UBE2E3: variants seen among roughly 807,000 people sequenced by gnomAD.
The protein encoded by UBE2E3 is ubiquitin-conjugating enzyme E2 E3.
UBE2E3 carries 5 observed loss-of-function variants against 23.6 expected under a neutral mutation model. The observed-to-expected ratio is 0.21, with a 90% CI of 0.11 to 0.44. The LOEUF (loss-of-function observed/expected upper bound fraction) is 0.44. Among genes scored for constraint, UBE2E3 ranks in the 20% least tolerant of loss-of-function variants. The pLI is 0.99. For synonymous variants in UBE2E3, 78 were observed against 87.5 expected (o/e 0.89, Z 0.60); for missense variants, 81 against 249.8 (o/e 0.32, Z 4.55).
upstream of UBE2E3, chr2:180,980,518 GGCGTC>G (rs1559108012): frequency 6.8e-6 from 1 of 148,128 alleles, no homozygotes; most frequent in Non-Finnish European, 1.5e-5. This position sits in a 1 kb window ranked among gnomAD's most constrained non-coding sequence, Gnocchi z 5.5. Context: ...GCGCCCGCCG[GGCGTC>G]GGCGGCGCGC....
chr2:181,058,245 C>A (rs1390849229), intron 4 of UBE2E3, among the ~76,000 whole-genome samples: 1 of 151,636 alleles, frequency 6.6e-6, no homozygotes, highest in Non-Finnish European at 1.5e-5. Context: ...TGCTGAATAC[C>A]TTTATAGATA....
chr2:181,040,808 C>G (rs911360266), intron 3 of UBE2E3, among the ~76,000 whole-genome samples: 33 of 152,114 alleles, frequency 2.2e-4, no homozygotes, highest in African/African-American at 7.7e-4. Context: ...AAATCATTCT[C>G]CTTGCTGTCA....
At chr2:181,036,280 A>C (rs1559130248) in intron 3 of UBE2E3, among the ~76,000 whole-genome samples, 1 of 152,214 alleles carries the variant, frequency 6.6e-6, no homozygotes, top group Non-Finnish European at 1.5e-5. Context: ...TGGTCAGTTG[A>C]TTTTCAGCAG....
rs752087014 is a variant in UBE2E3, at chr2:181,025,057, G to C, written c.246-32636G>C. Among the ~76,000 whole-genome samples the C allele has an allele frequency of 7.2e-4, 110 of 152,078 alleles. 1 individual carries two copies. Among genetic ancestry groups the C allele is most frequent in the Middle Eastern group, 3.4e-3 (1 of 294 alleles). On this transcript the variant is annotated intron_variant, in intron 3 of 5. Transcript: ENST00000410062. ...ACTATAAGCCTTTCATGTGGCTTTAGTTAGCCACATGGAGATACGTTCTGG... is the reference window on the plus strand; with the variant it reads ...ACTATAAGCCTTTCATGTGGCTTTACTTAGCCACATGGAGATACGTTCTGG...
chr2:181,040,861 A>AT (rs915096650), intron 3 of UBE2E3, among the ~76,000 whole-genome samples: 6 of 152,222 alleles, frequency 3.9e-5, no homozygotes, highest in South Asian at 4.1e-4. Context: ...TAAATGAGCT[A>AT]TTTTTTTACC....
At chr2:181,046,953 A>G (rs1490283725) in intron 3 of UBE2E3, among the ~76,000 whole-genome samples, 3 of 152,182 alleles carry the variant, frequency 2.0e-5, no homozygotes, top group Non-Finnish European at 2.9e-5. Flanking sequence ...TAGAAAGAGT[A>G]TAAGTGAAAA....
At chr2:180,989,743 T>C (rs1351660192) in intron 3 of UBE2E3, 7 of 880,706 alleles carry the variant, frequency 7.9e-6, no homozygotes, top group Non-Finnish European at 1.1e-5. Flanking sequence ...AAACAGCATG[T>C]GCTTTTAAAA....
chr2:181,034,161 C>G (rs886332214), intron 3 of UBE2E3, among the ~76,000 whole-genome samples: 3 of 152,122 alleles, frequency 2.0e-5, no homozygotes, highest in East Asian at 3.9e-4. Flanking sequence ...ATTTGACCCA[C>G]CAATCCCATT....
chr2:181,033,773 G>A (rs1390961170), intron 3 of UBE2E3, among the ~76,000 whole-genome samples: 1 of 151,980 alleles, frequency 6.6e-6, no homozygotes, highest in Non-Finnish European at 1.5e-5. Context: ...ATTTTTGCAA[G>A]CTACCCATCT....
chr2:181,027,888 A>G (rs1403662804), intron 3 of UBE2E3, among the ~76,000 whole-genome samples: 1 of 152,024 alleles, frequency 6.6e-6, no homozygotes, highest in Non-Finnish European at 1.5e-5. Flanking sequence ...CATAATGCAT[A>G]GAAAAGAATA....
intron 3 of UBE2E3, among the ~76,000 whole-genome samples, chr2:181,016,249 T>A (rs960553891): frequency 1.4e-4 from 21 of 152,126 alleles, no homozygotes; most frequent in East Asian, 3.9e-4. Context: ...ATTTTTTTTT[T>A]TAAATTTTTT....
intron 3 of UBE2E3, among the ~76,000 whole-genome samples, chr2:181,018,045 A>G (rs950756493): frequency 1.3e-5 from 2 of 151,598 alleles, no homozygotes; most frequent in African/African-American, 4.9e-5. Flanking sequence ...TTTTCGTTGT[A>G]TTTTTAACCT....
rs192051025 is a variant in UBE2E3 at position 181,017,416 on chromosome 2, G to C, written c.245+33323G>C. On this transcript the variant is annotated intron_variant, in intron 3 of 5. Transcript: ENST00000410062. The stretch of plus-strand genomic sequence containing the variant: ...TAATTTTTGAGTTAGGGGCATGAGG[G>C]GGGTGGAAACCAAGCATGATCCCTC... Among the ~76,000 whole-genome samples the C allele has an allele frequency of 8.7e-4, 133 of 152,118 alleles. 1 individual carries two copies. Among genetic ancestry groups the C allele is most frequent in the Admixed American group, 6.4e-3 (98 of 15,266 alleles).
chr2:181,030,557 G>T (rs1686044104), intron 3 of UBE2E3, among the ~76,000 whole-genome samples: 2 of 151,798 alleles, frequency 1.3e-5, no homozygotes, highest in African/African-American at 4.8e-5. Flanking sequence ...TAATTAGCCT[G>T]TTTTTAATAC....
intron 3 of UBE2E3, among the ~76,000 whole-genome samples, chr2:180,998,613 C>T (rs1045746420): frequency 1.3e-5 from 2 of 152,014 alleles, no homozygotes; most frequent in Non-Finnish European, 2.9e-5. Flanking sequence ...GCAAAATCAC[C>T]ATTGGTAATA....
intron 3 of UBE2E3, among the ~76,000 whole-genome samples, chr2:180,997,436 C>A (rs72883536): frequency 1.3e-5 from 2 of 151,640 alleles, no homozygotes; most frequent in Non-Finnish European, 2.9e-5. Context: ...CATCTTCTTT[C>A]CTGATGTACT....
rs992364092 is a variant in UBE2E3 at position 180,996,637 on chromosome 2, C to CA, written c.245+12544_245+12545insA. On this transcript the variant is annotated intron_variant, in intron 3 of 5. Coordinates refer to ENST00000410062, the MANE Select transcript of UBE2E3 (RefSeq NM_006357.4). ...GGCCACCAAAACCTGCCTCTTCCCC[C>CA]CCATTTCCAGGTATCTTGGAGGGGA... Among the ~76,000 whole-genome samples the CA allele has an allele frequency of 1.5e-3, 226 of 152,282 alleles. 3 individuals carry two copies. The highest frequency in any genetic ancestry group is 1.0e-3 in the Non-Finnish European group (71 of 68,014).
At chr2:180,987,034 A>G (rs981201726) in intron 3 of UBE2E3, among the ~76,000 whole-genome samples, 1 of 152,116 alleles carries the variant, frequency 6.6e-6, no homozygotes, top group Non-Finnish European at 1.5e-5. Context: ...TTTTGATAGC[A>G]TTGATATTTC....
At chr2:181,042,211 G>T (rs1230396237) in intron 3 of UBE2E3, among the ~76,000 whole-genome samples, 1 of 152,186 alleles carries the variant, frequency 6.6e-6, no homozygotes, top group African/African-American at 2.4e-5. Context: ...TGTTTGCCTT[G>T]TCTTAGGAAT....
Sources: gnomAD v4.1 joint callset for allele counts (sites outside exome capture counted in the v4.1 genomes callset) on GRCh38, gnomAD v4.1.1 for gene constraint, Gnocchi (gnomAD v3.1) non-coding constraint, MANE v1.5 for transcripts, NCBI Gene and HGNC (gene_info 2026-07-23, HGNC 2026-07-21) for gene names.